The following ENPP3 variants were observed in gnomAD, a reference collection of about 807,000 sequenced individuals.
The protein encoded by ENPP3 is ectonucleotide pyrophosphatase/phosphodiesterase family member 3.
A neutral mutation model predicts 117.8 loss-of-function variants in ENPP3; 104 were observed. The ratio of observed to expected loss-of-function variants is 0.88; its 90% CI spans 0.75 to 1.04. The LOEUF is 1.04. ENPP3 is among the 50% of genes least tolerant of loss of function. The probability of loss-of-function intolerance (pLI) is 0.00; values close to 1 mark genes in which losing one functional copy is unlikely to be tolerated. For missense variants in ENPP3, 1,026 were observed against 1,051.9 expected, an observed-to-expected ratio of 0.98 and a Z score of 0.34; for synonymous variants, 380 against 349.9, an observed-to-expected ratio of 1.09 and a Z score of -0.96.
intron 24 of ENPP3, 26 bp downstream of exon 24, chr6:131,740,406 G>C (rs1390302246): frequency 4.0e-6 from 6 of 1,503,238 alleles, no homozygotes; most frequent in Non-Finnish European, 4.5e-6. Flanking sequence ...GAGGGTCCAG[G>C]ACCCGAGAAA....
chr6:131,718,549 T>C, intron 15 of ENPP3, 123 bp from the exon 16 acceptor site: 1 of 439,454 alleles, frequency 2.3e-6, no homozygotes. Context: ...AATATATTAT[T>C]CTGTTGTTGA....
At chr6:131,676,962 A>AG (rs1444995009) in intron 10 of ENPP3, among the ~76,000 whole-genome samples, 161 bp downstream of exon 10, 1 of 151,928 alleles carries the variant, frequency 6.6e-6, no homozygotes, top group East Asian at 1.9e-4. Context: ...CTGGCTGGGC[A>AG]GGGGGTCTCA....
chr6:131,739,593 C>CTTTTTTTTTT (rs71270397), intron 23 of ENPP3, among the ~76,000 whole-genome samples: 2 of 87,462 alleles, frequency 2.3e-5, no homozygotes, highest in African/African-American at 8.9e-5. Flanking sequence ...TCATGCTCTG[C>CTTTTTTTTTT]TTTTTTTTTT....
chr6:131,726,146 A>C lies in ENPP3; in HGVS notation c.1899A>C (p.Gly633=), dbSNP rs762712780. 6.2e-7 allele frequency: 1 copy of C among 1,614,042 alleles called. No homozygotes were observed. Among genetic ancestry groups the C allele is most frequent in the South Asian group, 1.1e-5 (1 of 91,078 alleles). The part of the protein sequence containing the change: ...CLLYHREYVS[G]FGKAMRMPMW... ...TTTACCACAGGGAATATGTCAGTGG[A>C]TTTGGAAAAGCTATGAGGATGCCCA... Residue 633 remains glycine, a synonymous_variant, in exon 20 of 25, where the codon GGA becomes GGC. Coordinates refer to ENST00000357639, the MANE Select transcript of ENPP3 (RefSeq NM_005021.5).
In ENPP3 at chr6:131,693,581, G is replaced by T. The variant is rs200513651; in HGVS notation, c.1369G>T (p.Asp457Tyr). The change falls in exon 15 of 25, where the codon GAC (aspartate) becomes TAC (tyrosine). Residue 457 changes from aspartate (D) to tyrosine (Y), a missense_variant. By Grantham distance (160) the Asp-to-Tyr change is radical. Coordinates refer to ENST00000357639, the MANE Select transcript of ENPP3 (RefSeq NM_005021.5). ...GCACTATGCCAAGAACGTCAGAATC[G>T]ACAAAGTTCATCTCTTTGTGGATCA... Reference protein sequence around the residue: ...RLHYAKNVRIDKVHLFVDQQW... With the variant: ...RLHYAKNVRIYKVHLFVDQQW... 1 of 1,613,768 alleles carries T rather than the reference G, an allele frequency of 6.2e-7. No individual in the cohort carries two copies. The highest frequency in any genetic ancestry group is 1.3e-5 in the African/African-American group (1 of 75,026).
chr6:131,674,668 G>A (rs1439060130), intron 8 of ENPP3, among the ~76,000 whole-genome samples: 2 of 151,374 alleles, frequency 1.3e-5, no homozygotes, highest in Non-Finnish European at 2.9e-5. Context: ...TGCTTCTCAG[G>A]TTCAAGCACT....
intron 24 of ENPP3, among the ~76,000 whole-genome samples, chr6:131,743,538 A>C (rs186652804): frequency 6.6e-6 from 1 of 152,252 alleles, no homozygotes; most frequent in East Asian, 1.9e-4. Context: ...GTTACATTCT[A>C]AAGTCGACAG....
At chr6:131,690,428 G>C (rs1208704406) in intron 14 of ENPP3, among the ~76,000 whole-genome samples, 6 of 152,174 alleles carry the variant, frequency 3.9e-5, no homozygotes, top group Admixed American at 3.9e-4. Flanking sequence ...CTCACTGAAC[G>C]CTCAGAGGAT....
At chr6:131,642,084 C>T (rs554657904) in intron 2 of ENPP3, among the ~76,000 whole-genome samples, 10 of 152,014 alleles carry the variant, frequency 6.6e-5, no homozygotes, top group South Asian at 6.2e-4. Flanking sequence ...TGTGAGTTGC[C>T]GCGCCTGGCC....
intron 2 of ENPP3, among the ~76,000 whole-genome samples, chr6:131,648,965 G>A (rs1205344022): frequency 1.3e-5 from 2 of 152,110 alleles, no homozygotes; most frequent in East Asian, 3.9e-4. Flanking sequence ...TCCTAAATAT[G>A]TATTTGCTTA....
chr6:131,715,750 C>T (rs138982578), intron 15 of ENPP3, among the ~76,000 whole-genome samples: 3,986 of 151,908 alleles, frequency 0.026, 17 homozygotes, highest in African/African-American at 0.089. Context: ...CGCCGAGGCA[C>T]GCCGCTGGAC....
chr6:131,646,644 C>T (rs1231612793), intron 2 of ENPP3, among the ~76,000 whole-genome samples: 1 of 151,800 alleles, frequency 6.6e-6, no homozygotes, highest in Admixed American at 6.6e-5. Context: ...CCCCTCTTCT[C>T]TTACCTAATG....
At position 131,679,025 on chromosome 6, in the gene ENPP3, C is replaced by CT. The variant is rs1343100791; in HGVS notation, c.1011+1085_1011+1086insT. Among the ~76,000 whole-genome samples the CT allele has an allele frequency of 3.1e-4, 34 of 108,592 alleles. 1 individual carries two copies. The highest frequency in any genetic ancestry group is 1.3e-3 in the African/African-American group (33 of 24,554). 71.2% of individuals were successfully genotyped at this position (108,592 alleles called of 152,430 possible). A position where few individuals can be genotyped will look rare whatever the true frequency, so the allele number is the denominator to read the frequency against. On this transcript the variant is annotated intron_variant, in intron 11 of 24. Coordinates refer to ENST00000357639, the MANE Select transcript of ENPP3 (RefSeq NM_005021.5). ...TGCTTCCTTCCTTCCTTCCTTCCTT[C>CT]CTTCTTTCTTTCTTTCTTTCTTTCT... is the stretch of plus-strand genomic sequence containing the variant.
Position 131,671,320 on chromosome 6 carries a change from T to C in ENPP3, c.635T>C (p.Ile212Thr), listed in dbSNP as rs758510278. 5 of 1,591,656 alleles carry C rather than the reference T, an allele frequency of 3.1e-6. No individual in the cohort carries two copies. The highest frequency in any genetic ancestry group is 4.3e-6 in the Non-Finnish European group (5 of 1,159,696). Residue 212 changes from isoleucine to threonine, a missense_variant, in exon 7 of 25, where the codon ATT (isoleucine) becomes ACT (threonine). By Grantham distance (89) the Ile-to-Thr change is moderately conservative (BLOSUM62 -1). Coordinates refer to ENST00000357639, the MANE Select transcript of ENPP3 (RefSeq NM_005021.5). ...PTKTFPNHYT[I>T]VTGLYPESHG... ...AAAACCTTCCCAAATCATTACACCA[T>C]TGTCACGGTAAGTGCTTGACCCAGT...
intron 7 of ENPP3, among the ~76,000 whole-genome samples, chr6:131,673,714 C>A (rs1274077244): frequency 3.3e-5 from 5 of 151,534 alleles, no homozygotes; most frequent in Admixed American, 1.3e-4. Context: ...GACAGACAGA[C>A]AGACAGAAAG....
At position 131,737,370 on chromosome 6, in the gene ENPP3, C is replaced by A; in HGVS notation, c.2105C>A (p.Ser702Ter). Reference protein sequence around the residue: ...FLYPPASNRTSDSQYDALITS... With the variant: ...FLYPPASNRT ...TGTTTTGCAGCCAGCAATAGAACAT[C>A]AGATAGCCAATATGATGCTTTAATT... Residue 702 changes from serine to a stop codon, truncating the protein, a stop_gained, in exon 22 of 25, where the codon TCA becomes TAA. Coordinates refer to ENST00000357639, the MANE Select transcript of ENPP3 (RefSeq NM_005021.5). LOFTEE classifies it high-confidence loss of function. 1 of 1,608,198 alleles carries A rather than the reference C, an allele frequency of 6.2e-7. No individual in the cohort carries two copies. Among genetic ancestry groups the A allele is most frequent in the Non-Finnish European group, 8.5e-7 (1 of 1,175,920 alleles).
Position 131,743,596 on chromosome 6 carries a change from G to A in ENPP3, c.2458-3190G>A, listed in dbSNP as rs983923214. ...TGTAATCACAGCACTTTGGGAGGCC[G>A]AGGCAGGCACATCACCTGAGGTCAG... On this transcript the variant is annotated intron_variant, in intron 24 of 24. Coordinates refer to ENST00000357639, the MANE Select transcript of ENPP3 (RefSeq NM_005021.5). 3.3e-5 allele frequency among the ~76,000 whole-genome samples: 5 copies of A among 152,004 alleles called. No individual in the cohort carries two copies. The East Asian group carries it at 5.8e-4, about 18-fold the overall frequency.
intron 6 of ENPP3, among the ~76,000 whole-genome samples, chr6:131,658,732 C>T (rs1778438033): frequency 6.6e-6 from 1 of 152,114 alleles, no homozygotes; most frequent in Non-Finnish European, 1.5e-5. Flanking sequence ...TTTGTCAGAC[C>T]CAGGTTCTGG....
At chr6:131,687,134 C>G (rs943299233) in intron 14 of ENPP3, among the ~76,000 whole-genome samples, 2 of 152,174 alleles carry the variant, frequency 1.3e-5, no homozygotes, top group Admixed American at 1.3e-4. Context: ...CTTCCATCAA[C>G]AGTATATAAG....
Sources: allele counts gnomAD v4.1 joint callset (sites outside exome capture counted in the v4.1 genomes callset), GRCh38; gene constraint gnomAD v4.1.1; transcripts MANE v1.5; gene names NCBI Gene and HGNC (gene_info 2026-07-23, HGNC 2026-07-21).